DENND5B: variants seen among roughly 807,000 people sequenced by gnomAD.
DENND5B encodes DENN domain-containing protein 5B.
DENND5B carries 34 observed loss-of-function variants against 140.6 expected under a neutral mutation model. That is an observed-to-expected ratio of 0.24 (90% confidence interval 0.18 to 0.32). The LOEUF (loss-of-function observed/expected upper bound fraction) is 0.32, where lower values mean the gene tolerates loss of function less well. DENND5B is among the 10% of genes least tolerant of loss of function. DENND5B has a pLI of 1.00. For missense variants in DENND5B, 1,142 were observed against 1,560.2 expected (o/e 0.73, Z 4.52); for synonymous variants, 551 against 562.1 (o/e 0.98, Z 0.28).
intron 1 of DENND5B, among the ~76,000 whole-genome samples, chr12:31,504,729 C>T (rs1947128530): frequency 6.6e-6 from 1 of 152,302 alleles, no homozygotes; most frequent in South Asian, 2.1e-4. Context: ...ATTTCCCTCT[C>T]TTCCTGCCCT....
chr12:31,426,546 A>G, intron 8 of DENND5B, 122 bp from the exon 9 acceptor site: 1 of 1,105,016 alleles, frequency 9.0e-7, no homozygotes, highest in Non-Finnish European at 1.2e-6. Flanking sequence ...GTATGTGCAT[A>G]TAACAACAAT....
At chr12:31,480,835 T>A (rs1237156576) in intron 2 of DENND5B, among the ~76,000 whole-genome samples, 1 of 152,142 alleles carries the variant, frequency 6.6e-6, no homozygotes, top group African/African-American at 2.4e-5. Context: ...CTTTGGAAAT[T>A]GAAAGCTTTT....
At chr12:31,414,815 A>G (rs1360066590) in intron 12 of DENND5B, among the ~76,000 whole-genome samples, 1 of 151,668 alleles carries the variant, frequency 6.6e-6, no homozygotes, top group African/African-American at 2.4e-5. Context: ...TGTGCTACTC[A>G]GGAGGCTGAG....
At chr12:31,536,173 C>T (rs1218074844) in intron 1 of DENND5B, among the ~76,000 whole-genome samples, 1 of 152,118 alleles carries the variant, frequency 6.6e-6, no homozygotes, top group Non-Finnish European at 1.5e-5. Flanking sequence ...ACCTGTACAG[C>T]CTGTGGAAAC....
intron 1 of DENND5B, among the ~76,000 whole-genome samples, chr12:31,573,022 T>C (rs190416269): frequency 3.3e-5 from 5 of 152,328 alleles, no homozygotes; most frequent in African/African-American, 4.8e-5. Context: ...TAAAGCTTTA[T>C]ATGTTGCTGT....
chr12:31,466,090 T>C (rs545288242), intron 3 of DENND5B, among the ~76,000 whole-genome samples: 10 of 152,290 alleles, frequency 6.6e-5, no homozygotes, highest in Non-Finnish European at 1.5e-4. Context: ...CTGGGTGTGG[T>C]GGCTCACGCC....
intron 1 of DENND5B, among the ~76,000 whole-genome samples, chr12:31,587,678 A>G (rs1950446306): frequency 6.6e-6 from 1 of 151,510 alleles, no homozygotes; most frequent in Non-Finnish European, 1.5e-5. Context: ...CTCCAGAGTA[A>G]CTGGGATATT....
rs142257148 is a variant in DENND5B at position 31,428,727 on chromosome 12, C to T, written c.2107-2303G>A. ...GGATTACAGGTGCACATCCCATGCC[C>T]GGCTAATTATTTATTTATTTTTGAG... On this transcript the variant is annotated intron_variant, in intron 8 of 20. Transcript: ENST00000389082. Among the ~76,000 whole-genome samples the T allele has an allele frequency of 7.2e-5, 11 of 151,874 alleles. No homozygotes were observed. The East Asian group carries it at 9.8e-4, about 13-fold the overall frequency.
At chr12:31,475,563 T>C (rs1249720548) in intron 3 of DENND5B, among the ~76,000 whole-genome samples, 2 of 151,842 alleles carry the variant, frequency 1.3e-5, no homozygotes, top group East Asian at 1.9e-4. Flanking sequence ...GCCTGGGCAG[T>C]GTAGTGAGAC....
Position 31,457,949 on chromosome 12 carries a change from C to T in DENND5B, c.1092+2245G>A, listed in dbSNP as rs140595388. Among the ~76,000 whole-genome samples the T allele has an allele frequency of 3.4e-3, 523 of 151,846 alleles. 5 individuals are homozygous for T. The highest frequency in any genetic ancestry group is 0.011 in the African/African-American group (470 of 41,398). On this transcript the variant is annotated intron_variant, in intron 4 of 20. Coordinates refer to ENST00000389082, the MANE Select transcript of DENND5B (RefSeq NM_144973.4). ...CAGGATGGTCTCGATCTCCTCACCT[C>T]GTGATCCGCCCGCCTCAGCCTCCCA...
Position 31,416,264 on chromosome 12 carries a change from A to AT in DENND5B, c.2471-817dup, listed in dbSNP as rs1371508335. Among the ~76,000 whole-genome samples the AT allele has an allele frequency of 8.6e-3, 1,280 of 148,364 alleles. 10 individuals are homozygous for AT. The highest frequency in any genetic ancestry group is 0.028 in the African/African-American group (1,140 of 40,512). On this transcript the variant is annotated intron_variant, in intron 11 of 20. Transcript: ENST00000389082. Reference sequence around the variant, plus strand: ...ATAAGGACCAGGCACTTTTTTTTGTATTTTTTTTTTTAAATATAGTCTTGC... The same window carrying AT: ...ATAAGGACCAGGCACTTTTTTTTGTATTTTTTTTTTTTAAATATAGTCTTGC...
At chr12:31,412,782 C>T (rs963881525) in intron 13 of DENND5B, among the ~76,000 whole-genome samples, 2 of 152,168 alleles carry the variant, frequency 1.3e-5, no homozygotes, top group African/African-American at 4.8e-5. Flanking sequence ...CAGGTTTTAT[C>T]TGTATACAAC....
chr12:31,540,401 C>T (rs1948645405), intron 1 of DENND5B, among the ~76,000 whole-genome samples: 1 of 152,168 alleles, frequency 6.6e-6, no homozygotes, highest in African/African-American at 2.4e-5. Context: ...TGCCTGCAAT[C>T]CCAGTGCTTT....
intron 11 of DENND5B, among the ~76,000 whole-genome samples, chr12:31,416,848 C>T (rs182092044): frequency 5.3e-5 from 8 of 151,212 alleles, no homozygotes; most frequent in African/African-American, 1.5e-4. Context: ...AGAAAGACCC[C>T]GTTTTTGCAA....
At chr12:31,486,077 G>T (rs1946294188) in intron 2 of DENND5B, among the ~76,000 whole-genome samples, 1 of 152,226 alleles carries the variant, frequency 6.6e-6, no homozygotes, top group Admixed American at 6.5e-5. Flanking sequence ...CAACAGCCCT[G>T]CTATGGGTTT....
chr12:31,476,144 T>C (rs1193829982), intron 3 of DENND5B, among the ~76,000 whole-genome samples: 1 of 149,258 alleles, frequency 6.7e-6, no homozygotes, highest in Non-Finnish European at 1.5e-5. Context: ...AAAATAAAAA[T>C]AAAAAATAAA....
chr12:31,382,289 CA>C lies in DENND5B; in HGVS notation c.*5313del, dbSNP rs1435886085. On this transcript the variant is annotated 3_prime_UTR_variant, in exon 21 of 21. Coordinates refer to ENST00000389082, the MANE Select transcript of DENND5B (RefSeq NM_144973.4). ...GAAAAGTCATATTTAAATGTACTCC[CA>C]AACCTGAAAAACCCACGTCAGTTTG... 2.0e-5 allele frequency: 3 copies of C among 152,084 alleles called. No individual in the cohort carries two copies. The highest frequency in any genetic ancestry group is 4.4e-5 in the Non-Finnish European group (3 of 68,014). 9.4% of individuals were successfully genotyped at this position (152,084 alleles called of 1,614,324 possible).
intron 12 of DENND5B, 138 bp from the exon 13 acceptor site, chr12:31,413,702 T>C: frequency 2.0e-6 from 2 of 991,126 alleles, no homozygotes; most frequent in Non-Finnish European, 1.4e-6. Context: ...TTGATGTTGA[T>C]TAAATCTTTG....
At chr12:31,437,094 C>T (rs900594607) in intron 7 of DENND5B, among the ~76,000 whole-genome samples, 2 of 151,758 alleles carry the variant, frequency 1.3e-5, no homozygotes, top group East Asian at 3.9e-4. Context: ...GGGCCAGTAT[C>T]TTGTCTGTCA....
Sources: allele counts gnomAD v4.1 joint callset (sites outside exome capture counted in the v4.1 genomes callset), GRCh38; gene constraint gnomAD v4.1.1; transcripts MANE v1.5; gene names NCBI Gene and HGNC (gene_info 2026-07-23, HGNC 2026-07-21).